URB1: variants seen among roughly 807,000 people sequenced by gnomAD.
URB1 encodes the protein URB1 ribosome biogenesis factor, also known as nucleolar pre-ribosomal-associated protein 1.
A neutral mutation model predicts 242.3 loss-of-function variants in URB1; 197 were observed. The observed-to-expected ratio is 0.81, with a 90% CI of 0.72 to 0.91. The LOEUF (loss-of-function observed/expected upper bound fraction) is 0.91, where lower values mean the gene tolerates loss of function less well. Ranked by LOEUF, URB1 falls within the 40% of genes least tolerant of loss-of-function variation. The pLI, the probability that URB1 is intolerant of heterozygous loss-of-function variation, is 0.00. For missense variants in URB1, 2,721 were observed against 2,860.5 expected (o/e 0.95, Z 1.11); for synonymous variants, 1,153 against 1,201.8 (o/e 0.96, Z 0.84).
At chr21:32,390,186 C>T (rs1049886537) in intron 1 of URB1, among the ~76,000 whole-genome samples, 1 of 152,224 alleles carries the variant, frequency 6.6e-6, no homozygotes, top group Non-Finnish European at 1.5e-5. Context: ...GCCCTGTCAA[C>T]CTGGGTCTCC....
chr21:32,362,654 G>A (rs750105490), intron 11 of URB1, among the ~76,000 whole-genome samples: 2 of 152,194 alleles, frequency 1.3e-5, no homozygotes, highest in African/African-American at 4.8e-5. Context: ...GAGCAGCTCA[G>A]GGAAAGCTGC....
chr21:32,333,564 G>A (rs2032920704), intron 29 of URB1, 145 bp from the exon 30 acceptor site: 1 of 647,330 alleles, frequency 1.5e-6, no homozygotes, highest in Non-Finnish European at 2.6e-6. Context: ...CTTGGGGATG[G>A]GAGCCAAGTT....
chr21:32,334,621 C>A (rs2032936450), intron 28 of URB1, among the ~76,000 whole-genome samples: 1 of 152,148 alleles, frequency 6.6e-6, no homozygotes, highest in Admixed American at 6.5e-5. Context: ...TCAATCTGCA[C>A]AACATCTCCA....
rs1198590529 is a variant in URB1, at chr21:32,311,459, G to GA, written c.*3458dup. 6.8e-6 allele frequency: 3 copies of GA among 443,636 alleles called. No homozygotes were observed. Among genetic ancestry groups the GA allele is most frequent in the Non-Finnish European group, 1.2e-5 (3 of 257,072 alleles). The allele number at this position is 443,636 out of a possible 1,614,324, so 27.5% of individuals were successfully genotyped here. A position where few individuals can be genotyped will look rare whatever the true frequency, so the allele number is the denominator to read the frequency against. ...AATGTAGGAAGAAGTGGCCTCCAGG[G>GA]AAAGACCTGAGGCCTAGTTCCTGAC... On this transcript the variant is annotated 3_prime_UTR_variant, in exon 39 of 39. Transcript: ENST00000382751.
intron 30 of URB1, among the ~76,000 whole-genome samples, chr21:32,330,809 G>A (rs571193599): frequency 5.9e-5 from 9 of 152,278 alleles, no homozygotes; most frequent in African/African-American, 1.9e-4. Flanking sequence ...TGCTATTACC[G>A]TAATCTGACA....
intron 5 of URB1, chr21:32,377,257 T>G (rs759825075): frequency 1.9e-6 from 1 of 518,436 alleles, no homozygotes; most frequent in Non-Finnish European, 3.8e-6. Flanking sequence ...GGGCTACAGT[T>G]TGCTCTGGCA....
intron 30 of URB1, among the ~76,000 whole-genome samples, chr21:32,329,613 A>C (rs2032870885): frequency 6.6e-6 from 1 of 152,238 alleles, no homozygotes. Flanking sequence ...TTTCTTGGCC[A>C]AGGACTCAAA....
intron 38 of URB1, 114 bp from the exon 39 acceptor site, chr21:32,315,213 G>A: frequency 2.6e-6 from 3 of 1,133,846 alleles, no homozygotes; most frequent in South Asian, 5.0e-5. Context: ...CCGTGCCACA[G>A]GCCTGGGCAA....
At position 32,316,793 on chromosome 21, in the gene URB1, A is replaced by G; in HGVS notation, c.6307T>C (p.Trp2103Arg). The change falls in exon 38 of 39, where the codon TGG becomes CGG. Residue 2103 changes from tryptophan to arginine, a missense_variant. Physicochemically the swap from Trp to Arg is moderately radical, Grantham distance 101. Transcript: ENST00000382751. Reference sequence around the variant, plus strand: ...TGCTCGGCCACCGACCGCAGCACCCAACTGACTGCCAGGGAAGCGGCAGCA... The same window carrying G: ...TGCTCGGCCACCGACCGCAGCACCCGACTGACTGCCAGGGAAGCGGCAGCA... ...VYAAASLAVS[W>R]VLRSVAEHPL... 1 of 1,548,336 alleles carries G rather than the reference A, an allele frequency of 6.5e-7. No homozygotes were observed. The highest frequency in any genetic ancestry group is 1.2e-5 in the South Asian group (1 of 83,868).
Position 32,311,413 on chromosome 21 carries a change from CCA to C in URB1, c.*3503_*3504del. The C allele has an allele frequency of 3.9e-6, 1 of 259,736 alleles. No individual in the cohort carries two copies. Among genetic ancestry groups the C allele is most frequent in the South Asian group, 1.0e-4 (1 of 9,930 alleles). The allele number at this position is 259,736 out of a possible 1,614,324, so 16.1% of individuals were successfully genotyped here. A position where few individuals can be genotyped will look rare whatever the true frequency, so the allele number is the denominator to read the frequency against. On this transcript the variant is annotated 3_prime_UTR_variant, in exon 39 of 39. Coordinates refer to ENST00000382751, the MANE Select transcript of URB1 (RefSeq NM_014825.3). ...AGGTCAACCTGCTCCCCTCCACCCC[CCA>C]CCCCCCCCATCCTAAATCAATGTAG...
At chr21:32,317,214 T>C in intron 37 of URB1, 149 bp from the exon 38 acceptor site, 1 of 1,107,878 alleles carries the variant, frequency 9.0e-7, no homozygotes, top group Non-Finnish European at 1.2e-6. Flanking sequence ...GCCTGGTGAG[T>C]GCTCGATGTT....
rs1186619099 is a variant in URB1 at position 32,366,701 on chromosome 21, G to A, written c.1252C>T (p.Pro418Ser). The A allele has an allele frequency of 1.3e-6, 2 of 1,551,512 alleles. No homozygotes were observed. The highest frequency in any genetic ancestry group is 2.0e-5 in the Admixed American group (1 of 51,000). The change falls in exon 10 of 39, where the codon CCC becomes TCC. Residue 418 changes from proline (P) to serine (S), a missense_variant. Transcript: ENST00000382751. ...SRAFQTREFI[P>S]LPRLLAMVMV... The stretch of plus-strand genomic sequence containing the variant: ...ACCATTGCCAGGAGCCGAGGCAAGG[G>A]TATAAACTCTCTGGTCTGAAATGCC...
intron 10 of URB1, among the ~76,000 whole-genome samples, chr21:32,365,193 C>T (rs935539208): frequency 6.6e-6 from 1 of 152,178 alleles, no homozygotes. Flanking sequence ...ACTTGTAATC[C>T]CAACACTTTG....
In URB1 at chr21:32,312,102, G is replaced by A. The variant is rs569463058; in HGVS notation, c.*2816C>T. The A allele has an allele frequency of 6.3e-7, 1 of 1,580,472 alleles. No homozygotes were observed. Among genetic ancestry groups the A allele is most frequent in the South Asian group, 1.1e-5 (1 of 88,382 alleles). ...AGGCCATTTGCATGTAGCAGAAAGG[G>A]CACCTAGGTCAAGTGCAACTAGAGC... On this transcript the variant is annotated 3_prime_UTR_variant, in exon 39 of 39. Transcript: ENST00000382751.
intron 1 of URB1, among the ~76,000 whole-genome samples, chr21:32,387,527 A>G (rs1224021239): frequency 1.3e-5 from 2 of 150,758 alleles, no homozygotes; most frequent in African/African-American, 4.9e-5. Context: ...AAGCCGCATG[A>G]GAGCGTAAGC....
chr21:32,314,765 T>C lies in URB1; in HGVS notation c.*153A>G. The C allele has an allele frequency of 3.5e-6, 5 of 1,426,342 alleles. No homozygotes were observed. Among genetic ancestry groups the C allele is most frequent in the Non-Finnish European group, 9.6e-7 (1 of 1,037,112 alleles). 88.4% of individuals were successfully genotyped at this position (1,426,342 alleles called of 1,614,324 possible). A position where few individuals can be genotyped will look rare whatever the true frequency, so the allele number is the denominator to read the frequency against. On this transcript the variant is annotated 3_prime_UTR_variant, in exon 39 of 39. Transcript: ENST00000382751. ...TTTACTGGGCAGTTCAATAAAGTCC[T>C]CTCAACTTTTCTTGTCAAAGAACTG... is the stretch of plus-strand genomic sequence containing the variant.
At chr21:32,375,278 C>A (rs140949504) in intron 6 of URB1, 120 bp downstream of exon 6, 1 of 569,226 alleles carries the variant, frequency 1.8e-6, no homozygotes, top group Non-Finnish European at 2.9e-6. Context: ...TTCCACTCAA[C>A]CAATACAACA....
chr21:32,356,820 A>G (rs2833784), intron 15 of URB1, among the ~76,000 whole-genome samples: 84,030 of 152,180 alleles, frequency 0.55, 28,339 homozygotes, highest in Non-Finnish European at 0.75. Context: ...ACCTATTTGC[A>G]GTCAGTGATC....
At chr21:32,359,023 A>C (rs765279576) in intron 14 of URB1, among the ~76,000 whole-genome samples, 11 of 152,202 alleles carry the variant, frequency 7.2e-5, no homozygotes, top group Non-Finnish European at 1.3e-4. Flanking sequence ...GAAGCCTCAG[A>C]ACGGGGACTC....
Sources: gnomAD v4.1 joint callset for allele counts (sites outside exome capture counted in the v4.1 genomes callset) on GRCh38, gnomAD v4.1.1 for gene constraint, MANE v1.5 for transcripts, NCBI Gene and HGNC (gene_info 2026-07-23, HGNC 2026-07-21) for gene names.